The following TNR variants were observed in gnomAD, a reference collection of about 807,000 sequenced individuals.
TNR encodes the protein tenascin R, also known as tenascin-R.
Under a neutral mutation model 150.4 loss-of-function variants are expected in TNR, and 45 were observed. The observed-to-expected ratio is 0.30, with a 90% CI of 0.24 to 0.38. The LOEUF is 0.38. Ranked by LOEUF, TNR falls within the 10% of genes least tolerant of loss-of-function variation. The probability of loss-of-function intolerance (pLI) is 1.00; values close to 1 mark genes in which losing one functional copy is unlikely to be tolerated. For synonymous variants in TNR, 687 were observed against 678.4 expected (o/e 1.01, Z -0.20); for missense variants, 1,544 against 1,759.1 (o/e 0.88, Z 2.19).
chr1:175,479,043 A>T (rs1657667114), intron 2 of TNR, among the ~76,000 whole-genome samples: 1 of 152,210 alleles, frequency 6.6e-6, no homozygotes, highest in South Asian at 2.1e-4. Flanking sequence ...GGTGCTTGAC[A>T]CTATTACCTC....
chr1:175,548,974 C>G (rs1660828868), intron 1 of TNR, among the ~76,000 whole-genome samples: 1 of 152,328 alleles, frequency 6.6e-6, no homozygotes, highest in South Asian at 2.1e-4. Flanking sequence ...TCACCATGTC[C>G]CTGTGCCAAG....
chr1:175,634,374 C>T (rs1231160852), intron 1 of TNR, among the ~76,000 whole-genome samples: 1 of 152,202 alleles, frequency 6.6e-6, no homozygotes, highest in Non-Finnish European at 1.5e-5. Context: ...TGCCCTCTGT[C>T]TCACCTGTGG....
chr1:175,638,779 C>T (rs1664562001), intron 1 of TNR, among the ~76,000 whole-genome samples: 1 of 152,136 alleles, frequency 6.6e-6, no homozygotes, highest in Non-Finnish European at 1.5e-5. Context: ...TAAATTATGC[C>T]CTGTGGCATA....
chr1:175,539,881 C>T lies in TNR; in HGVS notation c.-164-11512G>A, dbSNP rs548349999. On this transcript the variant is annotated intron_variant, in intron 1 of 22. Transcript: ENST00000367674. ...AGCTCACACTATAGCATAAACTAGT[C>T]TCATAAGTTATTGGTCTGGGACACC... Among the ~76,000 whole-genome samples, 4 of 152,194 alleles carry T rather than the reference C, an allele frequency of 2.6e-5. No individual in the cohort carries two copies. In the South Asian group the frequency reaches 8.3e-4, roughly 32 times the overall value.
intron 1 of TNR, among the ~76,000 whole-genome samples, chr1:175,673,241 G>A (rs1355641482): frequency 2.6e-5 from 4 of 152,190 alleles, no homozygotes; most frequent in African/African-American, 9.6e-5. Context: ...ACTGACCCAG[G>A]AGGAAGCACT....
chr1:175,372,623 G>C, intron 9 of TNR, among the ~76,000 whole-genome samples: 1 of 152,246 alleles, frequency 6.6e-6, no homozygotes, highest in East Asian at 1.9e-4. Flanking sequence ...ACTTAGCCCT[G>C]TTTTGGGAAC....
intron 1 of TNR, among the ~76,000 whole-genome samples, chr1:175,607,538 G>C (rs1017417853): frequency 1.3e-5 from 2 of 152,210 alleles, no homozygotes; most frequent in South Asian, 2.1e-4. Context: ...GTACTGGCTT[G>C]TAGCTACATC....
intron 2 of TNR, among the ~76,000 whole-genome samples, chr1:175,512,840 C>A (rs1465551886): frequency 6.6e-6 from 1 of 152,154 alleles, no homozygotes; most frequent in Non-Finnish European, 1.5e-5. Flanking sequence ...CTGCAAGATA[C>A]CCATGGATCC....
At chr1:175,736,679 G>T (rs1254427578) in intron 1 of TNR, among the ~76,000 whole-genome samples, 1 of 152,008 alleles carries the variant, frequency 6.6e-6, no homozygotes, top group Non-Finnish European at 1.5e-5. Flanking sequence ...TGTACATGTG[G>T]CCCAGAGCAG....
chr1:175,571,817 G>A (rs1661883532), intron 1 of TNR, among the ~76,000 whole-genome samples: 1 of 152,182 alleles, frequency 6.6e-6, no homozygotes, highest in Non-Finnish European at 1.5e-5. Context: ...TGTGTCTTCA[G>A]AGGCCAAGTT....
At chr1:175,520,782 C>A (rs572873411) in intron 2 of TNR, among the ~76,000 whole-genome samples, 2 of 152,230 alleles carry the variant, frequency 1.3e-5, no homozygotes, top group African/African-American at 4.8e-5. Context: ...GCATCCACCA[C>A]CCTCAATCCT....
In TNR at chr1:175,699,840, T is replaced by C. The variant is rs187870222; in HGVS notation, c.-165+43386A>G. On this transcript the variant is annotated intron_variant, in intron 1 of 22. Transcript: ENST00000367674. ...ATCTCCATACCTTGGCCTCAGCTCC[T>C]TCACTTCAGCTTGTGTGCATTTCCA... Among the ~76,000 whole-genome samples the C allele has an allele frequency of 6.6e-3, 1,004 of 152,216 alleles. 9 individuals are homozygous for C. The highest frequency in any genetic ancestry group is 0.014 in the Middle Eastern group (4 of 294).
chr1:175,505,305 C>A (rs1658910905), intron 2 of TNR, among the ~76,000 whole-genome samples: 1 of 152,232 alleles, frequency 6.6e-6, no homozygotes, highest in African/African-American at 2.4e-5. Flanking sequence ...TTATCTCGGG[C>A]TTCCCCCGGC....
chr1:175,454,818 C>T (rs555650774), intron 2 of TNR, among the ~76,000 whole-genome samples: 1 of 152,294 alleles, frequency 6.6e-6, no homozygotes, highest in South Asian at 2.1e-4. Context: ...GTATCTTACA[C>T]TCTCTGAGGC....
chr1:175,703,374 T>A (rs1425554798), intron 1 of TNR, among the ~76,000 whole-genome samples: 1 of 152,260 alleles, frequency 6.6e-6, no homozygotes, highest in Non-Finnish European at 1.5e-5. Flanking sequence ...GTTTTTCCTA[T>A]ACCTAGCACA....
At chr1:175,655,220 C>G (rs995265336) in intron 1 of TNR, among the ~76,000 whole-genome samples, 57 of 152,092 alleles carry the variant, frequency 3.7e-4, no homozygotes, top group African/African-American at 1.3e-3. Context: ...CACAAATGTT[C>G]CAGGAGGTAA....
At chr1:175,709,029 T>C (rs1571775546) in intron 1 of TNR, among the ~76,000 whole-genome samples, 1 of 151,554 alleles carries the variant, frequency 6.6e-6, no homozygotes, top group Non-Finnish European at 1.5e-5. Flanking sequence ...CTCCATGATA[T>C]TGGTGTGGTG....
intron 1 of TNR, among the ~76,000 whole-genome samples, chr1:175,581,066 G>A (rs1174049289): frequency 6.6e-6 from 1 of 152,228 alleles, no homozygotes. Context: ...TGAAAGCTCA[G>A]TGGAACAAGC....
At chr1:175,579,612 G>T (rs1662267429) in intron 1 of TNR, among the ~76,000 whole-genome samples, 1 of 151,248 alleles carries the variant, frequency 6.6e-6, no homozygotes, top group Admixed American at 6.6e-5. Context: ...GAATTTGGAT[G>T]TTATCTAGTA....
Sources: gnomAD v4.1 joint callset for allele counts (sites outside exome capture counted in the v4.1 genomes callset) on GRCh38, gnomAD v4.1.1 for gene constraint, MANE v1.5 for transcripts, NCBI Gene and HGNC (gene_info 2026-07-23, HGNC 2026-07-21) for gene names.